Variants in SHQ1 observed in about 807,000 individuals in gnomAD.
SHQ1 encodes the protein SHQ1, H/ACA ribonucleoprotein assembly factor.
A neutral mutation model predicts 53.8 loss-of-function variants in SHQ1; 49 were observed. The observed-to-expected ratio is 0.91, with a 90% CI of 0.72 to 1.16. The LOEUF is 1.16. Ranked by LOEUF, SHQ1 falls within the 50% of genes most tolerant of loss-of-function variation. The pLI is 0.00. For synonymous variants in SHQ1, 243 were observed against 251.0 expected (o/e 0.97, Z 0.30); for missense variants, 738 against 683.1 (o/e 1.08, Z -0.90).
chr3:72,828,216 C>A (rs183802583), intron 5 of SHQ1, among the ~76,000 whole-genome samples: 14 of 152,222 alleles, frequency 9.2e-5, no homozygotes, highest in African/African-American at 3.1e-4. Context: ...TAAAACAATG[C>A]GGTAAAAAAC....
chr3:72,728,635 C>G, the SHQ1 span, among the ~76,000 whole-genome samples: 1 of 152,206 alleles, frequency 6.6e-6, no homozygotes. Flanking sequence ...GTCAAATCTG[C>G]CTCTACCACT....
At chr3:72,766,057 A>T (rs1705721721) in intron 10 of SHQ1, among the ~76,000 whole-genome samples, 1 of 152,200 alleles carries the variant, frequency 6.6e-6, no homozygotes, top group South Asian at 2.1e-4. Flanking sequence ...GCCAGGGTGC[A>T]CTTGGGCCAG....
At chr3:72,745,273 A>T (rs538374855), downstream of SHQ1, among the ~76,000 whole-genome samples, 2 of 152,264 alleles carry the variant, frequency 1.3e-5, no homozygotes, top group South Asian at 4.1e-4. Context: ...GCAGGTGTGA[A>T]AACCGCTCCC....
intron 10 of SHQ1, among the ~76,000 whole-genome samples, chr3:72,770,007 G>A (rs941316846): frequency 6.6e-6 from 1 of 152,208 alleles, no homozygotes; most frequent in African/African-American, 2.4e-5. Flanking sequence ...ATCATCAAGA[G>A]AGATAATCTC....
chr3:72,829,270 G>C (rs1285903321), intron 5 of SHQ1, among the ~76,000 whole-genome samples: 1 of 152,156 alleles, frequency 6.6e-6, no homozygotes, highest in Non-Finnish European at 1.5e-5. Context: ...GGGATGCCTA[G>C]TCACTCTCTT....
intron 10 of SHQ1, among the ~76,000 whole-genome samples, chr3:72,763,392 C>T (rs147096857): frequency 6.6e-6 from 1 of 152,134 alleles, no homozygotes; most frequent in Non-Finnish European, 1.5e-5. Flanking sequence ...CCAAATGAAA[C>T]GGCTGTTTGG....
At chr3:72,771,220 A>G (rs931111246) in intron 10 of SHQ1, among the ~76,000 whole-genome samples, 1 of 152,242 alleles carries the variant, frequency 6.6e-6, no homozygotes, top group Non-Finnish European at 1.5e-5. Context: ...TTAGTTCCAC[A>G]GCGCCTAACC....
chr3:72,837,735 T>C (rs1489202834), intron 4 of SHQ1, among the ~76,000 whole-genome samples: 4 of 152,254 alleles, frequency 2.6e-5, no homozygotes, highest in Admixed American at 1.3e-4. Flanking sequence ...TTCTTCTAGC[T>C]GCTTTACTCA....
intron 8 of SHQ1, among the ~76,000 whole-genome samples, chr3:72,813,290 A>T (rs1033679749): frequency 6.6e-6 from 1 of 151,912 alleles, no homozygotes; most frequent in Admixed American, 6.6e-5. Context: ...AACATGGCAA[A>T]ACCCCGTCTC....
intron 9 of SHQ1, 52 bp from the exon 10 acceptor site, chr3:72,793,088 A>C (rs1706492981): frequency 1.3e-6 from 2 of 1,487,992 alleles, no homozygotes; most frequent in Non-Finnish European, 1.8e-6. Flanking sequence ...AGAAATTCAG[A>C]CCCTGAGAGG....
downstream of SHQ1, among the ~76,000 whole-genome samples, chr3:72,748,894 G>A (rs1705308199): frequency 1.3e-5 from 2 of 151,934 alleles, no homozygotes; most frequent in Admixed American, 1.3e-4. Flanking sequence ...GGGTGAGGCT[G>A]CAGCAAGCGG....
chr3:72,758,372 T>C (rs1705540800), intron 10 of SHQ1, among the ~76,000 whole-genome samples: 2 of 152,128 alleles, frequency 1.3e-5, no homozygotes, highest in African/African-American at 4.8e-5. Flanking sequence ...CTCATACAAA[T>C]TTCAACTGGT....
chr3:72,786,807 T>A lies in SHQ1; in HGVS notation c.1181+6109A>T, dbSNP rs142505981. ...CATAATAGAGCTCAATAACTACTGG[T>A]TGAAAAAAAATACATGACTCCACTT... On this transcript the variant is annotated intron_variant, in intron 10 of 10. Transcript: ENST00000325599. 6.1e-3 allele frequency among the ~76,000 whole-genome samples: 932 copies of A among 152,266 alleles called. 13 individuals carry two copies. Among genetic ancestry groups the A allele is most frequent in the African/African-American group, 0.021 (875 of 41,544 alleles).
intron 10 of SHQ1, chr3:72,773,405 G>C (rs1007288394): frequency 1.6e-5 from 7 of 447,184 alleles, no homozygotes; most frequent in Non-Finnish European, 3.0e-5. Context: ...CACAGTAGCA[G>C]TGGTGGTAGA....
chr3:72,781,245 G>T (rs948713818), intron 10 of SHQ1, among the ~76,000 whole-genome samples: 1 of 151,780 alleles, frequency 6.6e-6, no homozygotes, highest in African/African-American at 2.4e-5. Flanking sequence ...AAGTAGAGAT[G>T]GGGTTTCACC....
chr3:72,811,188 AGT>A (rs914963016), intron 9 of SHQ1, among the ~76,000 whole-genome samples: 51 of 152,222 alleles, frequency 3.4e-4, no homozygotes, highest in African/African-American at 1.2e-3. Context: ...TGAGAGTGAG[AGT>A]GTGTGAGTGT....
At chr3:72,805,694 G>A (rs926607651) in intron 9 of SHQ1, among the ~76,000 whole-genome samples, 2 of 152,102 alleles carry the variant, frequency 1.3e-5, no homozygotes, top group Non-Finnish European at 2.9e-5. Context: ...GAGGTCAGCT[G>A]ACTTGAAGCC....
intron 10 of SHQ1, among the ~76,000 whole-genome samples, chr3:72,761,014 A>G (rs1446523159): frequency 6.6e-6 from 1 of 152,206 alleles, no homozygotes; most frequent in African/African-American, 2.4e-5. Flanking sequence ...CAACGATTCA[A>G]CAACTATGCC....
intron 4 of SHQ1, 147 bp from the exon 5 acceptor site, chr3:72,832,628 A>G: frequency 3.3e-6 from 2 of 607,612 alleles, no homozygotes; most frequent in Non-Finnish European, 5.9e-6. Context: ...ATTCAAATCC[A>G]ACAAATGTTT....
Sources: gnomAD v4.1 joint callset for allele counts (sites outside exome capture counted in the v4.1 genomes callset) on GRCh38, gnomAD v4.1.1 for gene constraint, MANE v1.5 for transcripts, NCBI Gene and HGNC (gene_info 2026-07-23, HGNC 2026-07-21) for gene names.